The following GRAMD2A variants were observed in gnomAD, a reference collection of about 807,000 sequenced individuals.
GRAMD2A encodes GRAM domain-containing protein 2A.
A neutral mutation model predicts 51.1 loss-of-function variants in GRAMD2A; 37 were observed. The observed-to-expected ratio is 0.72, with a 90% CI of 0.56 to 0.95. The LOEUF (loss-of-function observed/expected upper bound fraction) is 0.95. Ranked by LOEUF, GRAMD2A falls within the 40% of genes least tolerant of loss-of-function variation. The probability of loss-of-function intolerance (pLI) is 0.00; values close to 1 mark genes in which losing one functional copy is unlikely to be tolerated. For missense variants in GRAMD2A, 414 were observed against 426.9 expected, an observed-to-expected ratio of 0.97 and a Z score of 0.27; for synonymous variants, 136 against 157.1, an observed-to-expected ratio of 0.87 and a Z score of 1.01.
In GRAMD2A at chr15:72,163,308, AGCTCCCCAGTGCTCCTGG is replaced by A. The variant is rs763944200; in HGVS notation, c.896_913del (p.Pro299_Glu304del). On this transcript the variant is annotated inframe_deletion, in exon 10 of 12. Transcript: ENST00000309731. Reference sequence around the variant, plus strand: ...GAGGAGCCGGTAATCCCAGAGCCTCAGCTCCCCAGTGCTCCTGGGCTCCTCCTCCAGCTCATCCTCCTC... The same window carrying A: ...GAGGAGCCGGTAATCCCAGAGCCTCAGCTCCTCCTCCAGCTCATCCTCCTC... 541 of 1,614,068 alleles carry A rather than the reference AGCTCCCCAGTGCTCCTGG, an allele frequency of 3.4e-4. No individual in the cohort carries two copies. Among genetic ancestry groups the A allele is most frequent in the Middle Eastern group, 5.0e-4 (3 of 6,060 alleles).
intron 1 of GRAMD2A, among the ~76,000 whole-genome samples, chr15:72,193,385 T>A (rs1250183088): frequency 6.6e-6 from 1 of 150,938 alleles, no homozygotes; most frequent in African/African-American, 2.4e-5. Flanking sequence ...CCCAGCAAAT[T>A]TTTTGTATTT....
chr15:72,162,566 C>T lies in GRAMD2A; in HGVS notation c.957-189G>A, dbSNP rs552991234. ...CCATGTAGGGGTCTTCAGACTTGTCCCCATGGAAGTGTCCTTACAGCCCAG... is the reference window on the plus strand; with the variant it reads ...CCATGTAGGGGTCTTCAGACTTGTCTCCATGGAAGTGTCCTTACAGCCCAG... On this transcript the variant is annotated intron_variant, in intron 10 of 11. Transcript: ENST00000309731. Among the ~76,000 whole-genome samples the T allele has an allele frequency of 1.4e-4, 21 of 152,252 alleles. 1 individual carries two copies. Among genetic ancestry groups the T allele is most frequent in the African/African-American group, 5.1e-4 (21 of 41,540 alleles).
rs1459948555 is a variant in GRAMD2A, at chr15:72,162,276, T to C, written c.1058A>G (p.His353Arg). Residue 353 changes from histidine to arginine, a missense_variant, in exon 11 of 12, where the codon CAC (histidine) becomes CGC (arginine). Physicochemically the swap from His to Arg is conservative, Grantham distance 29. Transcript: ENST00000309731. ...SLSWDDPVPG[H>R]R The stretch of plus-strand genomic sequence containing the variant: ...TTAGAAAGAGAAAAGGCCTCACCTG[T>C]GCCCAGGGACTGGGTCATCCCAACT... 6.2e-7 allele frequency: 1 copy of C among 1,609,306 alleles called. No homozygotes were observed. The highest frequency in any genetic ancestry group is 2.2e-5 in the East Asian group (1 of 44,858).
At position 72,165,378 on chromosome 15, in the gene GRAMD2A, T is replaced by C. The variant is rs759799652; in HGVS notation, c.576A>G (p.Glu192=). The change falls in exon 8 of 12, where the codon GAA becomes GAG. Residue 192 remains glutamate, a synonymous_variant. Transcript: ENST00000309731. ...PSSKKSLSVR[E]FSGEPESLEV... ...CCAGAGACTCAGGTTCCCCTGAAAATTCTCTTACACTCAGACTCTTCTTGC... is the reference window on the plus strand; with the variant it reads ...CCAGAGACTCAGGTTCCCCTGAAAACTCTCTTACACTCAGACTCTTCTTGC... 6.2e-7 allele frequency: 1 copy of C among 1,614,028 alleles called. No homozygotes were observed. The highest frequency in any genetic ancestry group is 8.5e-7 in the Non-Finnish European group (1 of 1,180,004).
chr15:72,196,713 TG>T (rs1212133739), intron 1 of GRAMD2A, among the ~76,000 whole-genome samples: 1 of 152,026 alleles, frequency 6.6e-6, no homozygotes, highest in Non-Finnish European at 1.5e-5. Flanking sequence ...CCTAGGAGCC[TG>T]GCCCCTGCAA....
intron 3 of GRAMD2A, 47 bp downstream of exon 3, chr15:72,168,892 A>G: frequency 6.4e-7 from 1 of 1,569,684 alleles, no homozygotes; most frequent in Non-Finnish European, 8.8e-7. Flanking sequence ...CTGGCAGCCC[A>G]GGACCCCTTC....
At chr15:72,197,268 C>T (rs1215544789) in intron 1 of GRAMD2A, among the ~76,000 whole-genome samples, 3 of 152,178 alleles carry the variant, frequency 2.0e-5, no homozygotes, top group African/African-American at 7.2e-5. Context: ...GATTCGGCGG[C>T]GAGAGGAAAC....
chr15:72,162,148 C>A, intron 11 of GRAMD2A, 125 bp downstream of exon 11: 1 of 1,371,698 alleles, frequency 7.3e-7, no homozygotes. Flanking sequence ...CGCTGCCCAA[C>A]CTTGCTTAGG....
intron 2 of GRAMD2A, 26 bp downstream of exon 2, chr15:72,169,821 T>TC (rs2081590633): frequency 6.4e-7 from 1 of 1,558,480 alleles, no homozygotes; most frequent in African/African-American, 1.4e-5. Context: ...TCTGTGTGTA[T>TC]CTATGACTGG....
rs968320845 is a variant in GRAMD2A at position 72,177,439 on chromosome 15, C to G, written c.42-7500G>C. On this transcript the variant is annotated intron_variant, in intron 1 of 11. Transcript: ENST00000309731. ...CCATGGATAGCCATCATCCTGACTT[C>G]CAGCACCACAGAGTGCTTTTGCTGC... 3.9e-5 allele frequency among the ~76,000 whole-genome samples: 6 copies of G among 152,238 alleles called. No individual in the cohort carries two copies. The East Asian group carries it at 1.2e-3, about 29-fold the overall frequency.
In GRAMD2A at chr15:72,170,096, C is replaced by A. The variant is rs568759876; in HGVS notation, c.42-157G>T. On this transcript the variant is annotated intron_variant, in intron 1 of 11. Coordinates refer to ENST00000309731, the MANE Select transcript of GRAMD2A (RefSeq NM_001012642.3). The surrounding 1 kb of genome is among the most constrained non-coding windows in gnomAD (Gnocchi z 4.5). ...AAATGTCACAGTTCAGAGGCAGCAG[C>A]GCAGGCAGAGGTTCTGGGATGGCTG... 1 of 719,200 alleles carries A rather than the reference C, an allele frequency of 1.4e-6. No homozygotes were observed. Among genetic ancestry groups the A allele is most frequent in the African/African-American group, 1.7e-5 (1 of 57,926 alleles). The allele number at this position is 719,200 out of a possible 1,614,324, so 44.6% of individuals were successfully genotyped here.
At chr15:72,169,077 T>A in intron 2 of GRAMD2A, 81 bp from the exon 3 acceptor site, 1 of 1,295,254 alleles carries the variant, frequency 7.7e-7, no homozygotes, top group Non-Finnish European at 1.1e-6. Context: ...TGCCCTGGCC[T>A]TGAGCCAGAA....
At chr15:72,168,052 C>A (rs2081568125) in intron 4 of GRAMD2A, among the ~76,000 whole-genome samples, 1 of 152,176 alleles carries the variant, frequency 6.6e-6, no homozygotes, top group African/African-American at 2.4e-5. Flanking sequence ...CACCAGCCTG[C>A]TGGATGTTTC....
At chr15:72,168,658 C>G (rs1490158028) in intron 3 of GRAMD2A, 92 bp from the exon 4 acceptor site, 2 of 1,092,978 alleles carry the variant, frequency 1.8e-6, no homozygotes, top group Non-Finnish European at 2.8e-6. Context: ...CACAGCCCCC[C>G]GGCCCATGCT....
chr15:72,173,446 A>G (rs770162021), intron 1 of GRAMD2A: 4 of 152,148 alleles, frequency 2.6e-5, no homozygotes, highest in African/African-American at 4.8e-5. Flanking sequence ...CATCTGTCAC[A>G]CTGTGTCTGT....
chr15:72,168,303 A>T (rs899311366), intron 4 of GRAMD2A, among the ~76,000 whole-genome samples, 188 bp downstream of exon 4: 1 of 152,200 alleles, frequency 6.6e-6, no homozygotes, highest in Non-Finnish European at 1.5e-5. Context: ...ACCTTCAAAA[A>T]TGCAATGCTA....
At chr15:72,183,494 G>T (rs1193062034) in intron 1 of GRAMD2A, among the ~76,000 whole-genome samples, 1 of 150,822 alleles carries the variant, frequency 6.6e-6, no homozygotes. Context: ...CAGCCTGGGC[G>T]ACAGAGCGAG....
intron 1 of GRAMD2A, among the ~76,000 whole-genome samples, chr15:72,176,905 C>A (rs1156806577): frequency 6.8e-6 from 1 of 146,906 alleles, no homozygotes; most frequent in East Asian, 2.0e-4. Context: ...GCTCTGTTGC[C>A]CAGGCTGGAA....
At chr15:72,182,384 A>AAAATT (rs1347462296) in intron 1 of GRAMD2A, among the ~76,000 whole-genome samples, 1 of 151,470 alleles carries the variant, frequency 6.6e-6, no homozygotes, top group African/African-American at 2.4e-5. Context: ...AAAAAAAAAA[A>AAAATT]ACCCAAAATT....
Sources: allele counts gnomAD v4.1 joint callset (sites outside exome capture counted in the v4.1 genomes callset), GRCh38; gene constraint gnomAD v4.1.1; non-coding constraint Gnocchi (gnomAD v3.1); transcripts MANE v1.5; gene names NCBI Gene and HGNC (gene_info 2026-07-23, HGNC 2026-07-21).